CACNA2D3: variants seen among roughly 807,000 people sequenced by gnomAD.
CACNA2D3 encodes the protein voltage-dependent calcium channel subunit alpha-2/delta-3.
A neutral mutation model predicts 160.6 loss-of-function variants in CACNA2D3; 60 were observed. That is an observed-to-expected ratio of 0.37 (90% CI 0.30 to 0.46). The LOEUF is 0.46. Ranked by LOEUF, CACNA2D3 falls within the 20% of genes least tolerant of loss-of-function variation. The pLI is 1.00. For synonymous variants in CACNA2D3, 558 were observed against 492.9 expected (o/e 1.13, Z -1.75); for missense variants, 1,205 against 1,365.0 (o/e 0.88, Z 1.85).
chr3:54,805,472 A>G (rs1279905419), intron 13 of CACNA2D3, among the ~76,000 whole-genome samples: 99 of 152,252 alleles, frequency 6.5e-4, no homozygotes, highest in African/African-American at 2.1e-3. Context: ...TAAATTCCTC[A>G]ACACATACAC....
chr3:54,425,655 A>C (rs1250063830), intron 4 of CACNA2D3, among the ~76,000 whole-genome samples: 2 of 152,184 alleles, frequency 1.3e-5, no homozygotes, highest in African/African-American at 2.4e-5. Flanking sequence ...AAATTTAGGT[A>C]AATCAGTGAA....
intron 11 of CACNA2D3, among the ~76,000 whole-genome samples, chr3:54,722,021 A>G (rs1701178819): frequency 6.6e-6 from 1 of 152,072 alleles, no homozygotes. Flanking sequence ...ACTTGGTTCC[A>G]TTCTCCTTGT....
chr3:54,806,761 A>G (rs1703139323), intron 13 of CACNA2D3, among the ~76,000 whole-genome samples: 1 of 152,114 alleles, frequency 6.6e-6, no homozygotes, highest in Non-Finnish European at 1.5e-5. Context: ...TCCTAAGCCA[A>G]AAGAACAAAG....
At chr3:54,535,484 A>G (rs1483108759) in intron 5 of CACNA2D3, among the ~76,000 whole-genome samples, 1 of 152,150 alleles carries the variant, frequency 6.6e-6, no homozygotes. Context: ...AACAATGTTC[A>G]TGTGTCAGTT....
chr3:54,769,043 A>C (rs944762998), intron 13 of CACNA2D3, among the ~76,000 whole-genome samples: 2 of 152,182 alleles, frequency 1.3e-5, no homozygotes, highest in African/African-American at 4.8e-5. Context: ...CTGACCAGGA[A>C]GCAGCAGTTT....
chr3:54,433,324 T>C (rs1700016111), intron 4 of CACNA2D3, among the ~76,000 whole-genome samples: 1 of 152,194 alleles, frequency 6.6e-6, no homozygotes, highest in Admixed American at 6.5e-5. Flanking sequence ...TAAGCCAGTA[T>C]CTGCAGCTAA....
intron 17 of CACNA2D3, among the ~76,000 whole-genome samples, chr3:54,854,018 G>A (rs1168313830): frequency 1.3e-5 from 2 of 152,120 alleles, no homozygotes; most frequent in African/African-American, 2.4e-5. Context: ...CGCGGGCACC[G>A]CCGAGTACCC....
chr3:54,479,165 C>G (rs1700891801), intron 4 of CACNA2D3, among the ~76,000 whole-genome samples: 3 of 152,232 alleles, frequency 2.0e-5, no homozygotes, highest in African/African-American at 7.2e-5. Context: ...GCTTTTCCCC[C>G]TTTGCTCGGC....
At chr3:54,623,351 C>A (rs781278088) in intron 9 of CACNA2D3, among the ~76,000 whole-genome samples, 27 of 152,328 alleles carry the variant, frequency 1.8e-4, no homozygotes, top group Admixed American at 1.6e-3. Flanking sequence ...CTTCCTCCCA[C>A]GTGCCAGCAG....
intron 4 of CACNA2D3, among the ~76,000 whole-genome samples, chr3:54,439,454 A>C (rs1301987840): frequency 6.6e-6 from 1 of 152,170 alleles, no homozygotes; most frequent in African/African-American, 2.4e-5. Flanking sequence ...TCTGTCACCC[A>C]CAAGCACTTA....
chr3:54,938,998 G>A (rs182627609), intron 27 of CACNA2D3, among the ~76,000 whole-genome samples: 77 of 152,290 alleles, frequency 5.1e-4, no homozygotes, highest in African/African-American at 1.9e-3. Context: ...GCACACGTTA[G>A]ACAGCAAACT....
intron 3 of CACNA2D3, among the ~76,000 whole-genome samples, chr3:54,347,109 A>G (rs1698473354): frequency 6.6e-6 from 1 of 152,218 alleles, no homozygotes; most frequent in Non-Finnish European, 1.5e-5. Context: ...ATGTTGATGG[A>G]GCCTTGACCA....
intron 4 of CACNA2D3, among the ~76,000 whole-genome samples, chr3:54,495,944 T>C (rs1202632525): frequency 6.6e-6 from 1 of 152,240 alleles, no homozygotes; most frequent in Admixed American, 6.5e-5. Context: ...CTGGTTTCTT[T>C]TACTCAGAAT....
At chr3:54,213,528 T>G (rs768782487) in intron 2 of CACNA2D3, among the ~76,000 whole-genome samples, 2 of 152,224 alleles carry the variant, frequency 1.3e-5, no homozygotes, top group African/African-American at 2.4e-5. Flanking sequence ...ATAACAGTCC[T>G]TTCTTTCTTC....
chr3:55,039,620 T>C (rs1703915543), intron 35 of CACNA2D3, among the ~76,000 whole-genome samples: 1 of 152,212 alleles, frequency 6.6e-6, no homozygotes, highest in Admixed American at 6.5e-5. Flanking sequence ...TCATTAGTCT[T>C]TGATAATTTC....
At chr3:54,393,422 G>C (rs964374154) in intron 4 of CACNA2D3, among the ~76,000 whole-genome samples, 3 of 152,170 alleles carry the variant, frequency 2.0e-5, no homozygotes, top group Non-Finnish European at 2.9e-5. Context: ...TCTGGCTCTG[G>C]TGCAGTTAGC....
chr3:54,834,504 G>GT (rs1698625819), intron 14 of CACNA2D3, among the ~76,000 whole-genome samples: 3 of 152,148 alleles, frequency 2.0e-5, no homozygotes, highest in Admixed American at 1.3e-4. Flanking sequence ...TTAGAACCAT[G>GT]TTTCCAAAAA....
intron 35 of CACNA2D3, among the ~76,000 whole-genome samples, chr3:55,027,071 A>G (rs139120806): frequency 3.0e-4 from 46 of 152,286 alleles, no homozygotes; most frequent in African/African-American, 1.0e-3. Flanking sequence ...TCTTCTTTTT[A>G]GAGATTAGAA....
intron 2 of CACNA2D3, among the ~76,000 whole-genome samples, chr3:54,155,738 A>G (rs1468438572): frequency 6.6e-6 from 1 of 152,314 alleles, no homozygotes; most frequent in East Asian, 1.9e-4. Flanking sequence ...TCTCATGTTC[A>G]GTCTGCAGGA....
Sources: allele counts gnomAD v4.1 joint callset (sites outside exome capture counted in the v4.1 genomes callset), GRCh38; gene constraint gnomAD v4.1.1; transcripts MANE v1.5; gene names NCBI Gene and HGNC (gene_info 2026-07-23, HGNC 2026-07-21).